Variants in FBXW7 observed in about 807,000 individuals in gnomAD.
FBXW7 encodes F-box/WD repeat-containing protein 7.
A neutral mutation model predicts 86.3 loss-of-function variants in FBXW7; 11 were observed. That is an observed-to-expected ratio of 0.13 (90% CI 0.08 to 0.21). The LOEUF (loss-of-function observed/expected upper bound fraction) is 0.21, where lower values mean the gene tolerates loss of function less well. Among genes scored for constraint, FBXW7 ranks in the 10% least tolerant of loss-of-function variants. The pLI, the probability that FBXW7 is intolerant of heterozygous loss-of-function variation, is 1.00. For missense variants in FBXW7, 488 were observed against 847.4 expected (o/e 0.58, Z 5.27); for synonymous variants, 313 against 297.9 (o/e 1.05, Z -0.52).
chr4:152,518,154 A>G (rs1748679342), intron 2 of FBXW7, among the ~76,000 whole-genome samples: 1 of 151,822 alleles, frequency 6.6e-6, no homozygotes, highest in African/African-American at 2.4e-5. Context: ...ACACCCAGCT[A>G]ATTTTTCTAT....
At chr4:152,434,426 A>T (rs1416098290) in intron 2 of FBXW7, among the ~76,000 whole-genome samples, 3 of 152,226 alleles carry the variant, frequency 2.0e-5, no homozygotes, top group Non-Finnish European at 4.4e-5. Context: ...TCACTTTTCT[A>T]GCCTTCTACT....
chr4:152,510,989 G>C (rs1025337830), intron 2 of FBXW7, among the ~76,000 whole-genome samples: 1 of 151,408 alleles, frequency 6.6e-6, no homozygotes, highest in Non-Finnish European at 1.5e-5. Flanking sequence ...TGTCACCCAG[G>C]CTAGAGTGCA....
intron 4 of FBXW7, chr4:152,352,930 A>G (rs1645800478): frequency 7.1e-7 from 1 of 1,416,026 alleles, no homozygotes; most frequent in Non-Finnish European, 9.2e-7. Context: ...CATCAATTAT[A>G]TGGTGATCCG....
intron 2 of FBXW7, among the ~76,000 whole-genome samples, chr4:152,455,104 T>C (rs1305116547): frequency 6.6e-6 from 1 of 152,170 alleles, no homozygotes; most frequent in Admixed American, 6.5e-5. Context: ...CTCAAGAATA[T>C]AGTCCACTAA....
chr4:152,489,638 T>C (rs988003418), intron 2 of FBXW7, among the ~76,000 whole-genome samples: 3 of 152,130 alleles, frequency 2.0e-5, no homozygotes, highest in African/African-American at 4.8e-5. Context: ...AGTCATGTTA[T>C]TGATACATTT....
intron 4 of FBXW7, among the ~76,000 whole-genome samples, chr4:152,392,627 G>A (rs540421376): frequency 5.9e-5 from 9 of 152,118 alleles, no homozygotes; most frequent in South Asian, 4.2e-4. Flanking sequence ...TAAAATTCTC[G>A]TTTGTTATAA....
chr4:152,363,569 A>AT (rs1733183641), intron 4 of FBXW7, among the ~76,000 whole-genome samples: 1 of 152,226 alleles, frequency 6.6e-6, no homozygotes, highest in East Asian at 1.9e-4. Context: ...TAAACACTAG[A>AT]TTTTAAACTG....
chr4:152,400,282 C>T (rs561478036), intron 4 of FBXW7, among the ~76,000 whole-genome samples: 1 of 152,268 alleles, frequency 6.6e-6, no homozygotes, highest in Non-Finnish European at 1.5e-5. Flanking sequence ...ACAAAATTAA[C>T]TCAAAATGGA....
intron 2 of FBXW7, among the ~76,000 whole-genome samples, chr4:152,514,187 ACAATGCTGTCTCAGAAGAAG>A (rs1748248495): frequency 6.6e-6 from 1 of 152,194 alleles, no homozygotes; most frequent in South Asian, 2.1e-4. Flanking sequence ...ATTCCATTGG[ACAATGCTGTCTCAGAAGAAG>A]CTAAGTGGGC....
chr4:152,415,958 C>A (rs1382860651), intron 2 of FBXW7, among the ~76,000 whole-genome samples: 1 of 152,078 alleles, frequency 6.6e-6, no homozygotes, highest in Non-Finnish European at 1.5e-5. Flanking sequence ...TTTCCTTTGT[C>A]CTGACTTTAC....
At chr4:152,465,570 C>T (rs532204014) in intron 2 of FBXW7, among the ~76,000 whole-genome samples, 32 of 152,132 alleles carry the variant, frequency 2.1e-4, no homozygotes, top group African/African-American at 7.5e-4. Context: ...TCTGGCCAGG[C>T]GCGGTGGCTC....
chr4:152,474,499 A>T (rs1039904483), intron 2 of FBXW7, among the ~76,000 whole-genome samples: 3 of 152,198 alleles, frequency 2.0e-5, no homozygotes, highest in African/African-American at 7.2e-5. Flanking sequence ...ATTTTGAATG[A>T]TCTAGGACAA....
intron 7 of FBXW7, among the ~76,000 whole-genome samples, chr4:152,333,480 GA>G (rs887724978): frequency 8.2e-5 from 12 of 147,076 alleles, no homozygotes; most frequent in African/African-American, 1.7e-4. Flanking sequence ...AAAATAAAGA[GA>G]AAAAAAAAGA....
intron 2 of FBXW7, among the ~76,000 whole-genome samples, chr4:152,475,135 TTAA>T (rs908729944): frequency 3.4e-5 from 5 of 149,198 alleles, no homozygotes; most frequent in African/African-American, 7.3e-5. Flanking sequence ...TTTATATATA[TTAA>T]TAATAATAAT....
At chr4:152,361,378 T>TA (rs200195425) in intron 4 of FBXW7, among the ~76,000 whole-genome samples, 2,241 of 151,678 alleles carry the variant, frequency 0.015, 29 homozygotes, top group Middle Eastern at 0.037. Context: ...TTATTTGCTT[T>TA]AAAAAAAAAT....
rs146379260 is a variant in FBXW7, at chr4:152,363,143, C to G, written c.502-13019G>C. Among the ~76,000 whole-genome samples, 1,271 of 152,238 alleles carry G rather than the reference C, an allele frequency of 8.3e-3. 11 individuals carry two copies. The highest frequency in any genetic ancestry group is 0.047 in the South Asian group (225 of 4,820). On this transcript the variant is annotated intron_variant, in intron 4 of 13. Transcript: ENST00000281708. ...GACTGAGAGCAATTCATGTGAGCCT[C>G]TAACTCCAAATTCCATTATAATATT...
intron 7 of FBXW7, 194 bp downstream of exon 7, chr4:152,337,608 T>C (rs1730264654): frequency 4.1e-6 from 2 of 493,774 alleles, no homozygotes; most frequent in East Asian, 6.5e-5. Context: ...TTAGTTCACA[T>C]GCATTCTTTA....
intron 6 of FBXW7, among the ~76,000 whole-genome samples, chr4:152,343,782 G>A (rs530607133): frequency 1.3e-5 from 2 of 151,776 alleles, no homozygotes; most frequent in South Asian, 4.2e-4. Context: ...CATACAAAGT[G>A]GATCAATGGC....
At chr4:152,509,147 C>A (rs778041472) in intron 2 of FBXW7, among the ~76,000 whole-genome samples, 1 of 151,970 alleles carries the variant, frequency 6.6e-6, no homozygotes, top group Non-Finnish European at 1.5e-5. Flanking sequence ...AAATACAACA[C>A]GTGAATAATT....
Sources: gnomAD v4.1 joint callset for allele counts (sites outside exome capture counted in the v4.1 genomes callset) on GRCh38, gnomAD v4.1.1 for gene constraint, MANE v1.5 for transcripts, NCBI Gene and HGNC (gene_info 2026-07-23, HGNC 2026-07-21) for gene names.